The following DDX19B variants were observed in gnomAD, a reference collection of about 807,000 sequenced individuals.
The protein encoded by DDX19B is ATP-dependent RNA helicase DDX19B.
DDX19B carries 27 observed loss-of-function variants against 58.1 expected under a neutral mutation model. The ratio of observed to expected loss-of-function variants is 0.46; its 90% confidence interval spans 0.34 to 0.64. The LOEUF (loss-of-function observed/expected upper bound fraction) is 0.64. Ranked by LOEUF, DDX19B falls within the 30% of genes least tolerant of loss-of-function variation. The probability of loss-of-function intolerance (pLI) is 0.01; values close to 1 mark genes in which losing one functional copy is unlikely to be tolerated. For missense variants in DDX19B, 399 were observed against 596.5 expected (o/e 0.67, Z 3.45); for synonymous variants, 187 against 214.4 (o/e 0.87, Z 1.12).
intron 3 of DDX19B, among the ~76,000 whole-genome samples, chr16:70,315,437 G>A (rs1312062072): frequency 1.3e-5 from 2 of 151,288 alleles, no homozygotes; most frequent in Non-Finnish European, 2.9e-5. Flanking sequence ...AGGTGAAGGA[G>A]TTCTAATGGT....
chr16:70,313,049 C>T (rs1246155992), intron 2 of DDX19B, among the ~76,000 whole-genome samples: 5 of 148,800 alleles, frequency 3.4e-5, no homozygotes, highest in East Asian at 2.0e-4. Flanking sequence ...GACAGAGTCT[C>T]GCTCTGTTGC....
upstream of DDX19B, among the ~76,000 whole-genome samples, chr16:70,298,212 C>G (rs1597460275): frequency 6.6e-6 from 1 of 152,234 alleles, no homozygotes; most frequent in East Asian, 2.0e-4. Context: ...TTGAGACCAT[C>G]CTGGCCAACA....
intron 1 of DDX19B, among the ~76,000 whole-genome samples, chr16:70,306,726 C>T (rs1961772406): frequency 6.6e-6 from 1 of 152,066 alleles, no homozygotes; most frequent in African/African-American, 2.4e-5. Context: ...ATCTTGAGAC[C>T]CTATTATTAT....
chr16:70,302,486 A>G (rs1441871473), intron 1 of DDX19B, among the ~76,000 whole-genome samples: 3 of 152,166 alleles, frequency 2.0e-5, no homozygotes, highest in Non-Finnish European at 4.4e-5. Context: ...ATGGAATCAT[A>G]TATATAATAT....
intron 7 of DDX19B, among the ~76,000 whole-genome samples, chr16:70,328,406 G>A (rs1283010046): frequency 4.4e-5 from 6 of 136,844 alleles, no homozygotes; most frequent in African/African-American, 8.2e-5. Flanking sequence ...GTCTGTCTCC[G>A]GGCTGGAGTG....
At chr16:70,297,305 C>T (rs1049290511), upstream of DDX19B, among the ~76,000 whole-genome samples, 9 of 152,128 alleles carry the variant, frequency 5.9e-5, no homozygotes, top group East Asian at 1.9e-4. Context: ...CTTTGCCTTC[C>T]GGGTTCTAGT....
chr16:70,291,727 C>A (rs1013662292), upstream of DDX19B, among the ~76,000 whole-genome samples: 5 of 151,996 alleles, frequency 3.3e-5, no homozygotes, highest in South Asian at 4.1e-4. Context: ...AGGAGAATGG[C>A]GTGAACCCGG....
intron 3 of DDX19B, among the ~76,000 whole-genome samples, chr16:70,315,238 T>C (rs1222309478): frequency 6.8e-5 from 10 of 146,328 alleles, no homozygotes; most frequent in Non-Finnish European, 3.0e-5. Flanking sequence ...AAAAAAAAAA[T>C]TAGCCGGGCA....
At chr16:70,298,498 T>C (rs182670746), upstream of DDX19B, among the ~76,000 whole-genome samples, 8 of 151,372 alleles carry the variant, frequency 5.3e-5, no homozygotes, top group East Asian at 1.2e-3. Flanking sequence ...ATTTTATTTA[T>C]TTTTTTCCTA....
upstream of DDX19B, among the ~76,000 whole-genome samples, chr16:70,297,010 G>A (rs1961247812): frequency 6.6e-6 from 1 of 152,096 alleles, no homozygotes; most frequent in Non-Finnish European, 1.5e-5. Context: ...CCACCTCCCG[G>A]GTTCAAGCGA....
chr16:70,316,097 C>G lies in DDX19B; in HGVS notation c.289C>G (p.Leu97Val), dbSNP rs774184558. 3 of 1,614,058 alleles carry G rather than the reference C, an allele frequency of 1.9e-6. No homozygotes were observed. In the East Asian group the frequency reaches 6.7e-5, roughly 36 times the overall value. Residue 97 changes from leucine to valine, a missense_variant, in exon 4 of 12, where the codon CTT becomes GTT. Leu to Val is a conservative substitution (Grantham distance 32). This residue lies in a region of DDX19B where 132 missense variants were observed against 159.4 expected (regional missense o/e 0.83). Coordinates refer to ENST00000288071, the MANE Select transcript of DDX19B (RefSeq NM_007242.7). ...GTACTCGGTGAAGTCTTTTGAAGAGCTTCGGCTGTGAGTATTTATTCACCT... is the reference window on the plus strand; with the variant it reads ...GTACTCGGTGAAGTCTTTTGAAGAGGTTCGGCTGTGAGTATTTATTCACCT... The part of the protein sequence containing the change: ...PLYSVKSFEE[L>V]RLKPQLLQGV...
intron 2 of DDX19B, among the ~76,000 whole-genome samples, chr16:70,313,156 C>T (rs1430274745): frequency 6.7e-6 from 1 of 149,868 alleles, no homozygotes; most frequent in Non-Finnish European, 1.5e-5. Flanking sequence ...GTAGCTGGGA[C>T]TACAGGCACC....
At chr16:70,328,535 G>C (rs916973311) in intron 7 of DDX19B, among the ~76,000 whole-genome samples, 1 of 151,400 alleles carries the variant, frequency 6.6e-6, no homozygotes, top group Admixed American at 6.6e-5. Flanking sequence ...GCTAATTTTT[G>C]TATTTTTAGT....
At chr16:70,309,587 A>C (rs905837513) in intron 1 of DDX19B, among the ~76,000 whole-genome samples, 3 of 151,646 alleles carry the variant, frequency 2.0e-5, no homozygotes, top group Non-Finnish European at 4.4e-5. Context: ...TGGGAGGCCG[A>C]GGCGGGTGGA....
chr16:70,301,431 T>C (rs1287049884), intron 1 of DDX19B, among the ~76,000 whole-genome samples: 1 of 152,184 alleles, frequency 6.6e-6, no homozygotes, highest in Non-Finnish European at 1.5e-5. Context: ...TGATTCTTGA[T>C]GTGACTTGTT....
At chr16:70,324,826 C>T (rs1485563678) in intron 6 of DDX19B, 139 bp downstream of exon 6, 10 of 691,336 alleles carry the variant, frequency 1.4e-5, no homozygotes, top group East Asian at 1.0e-4. Flanking sequence ...CCGAGGTGGG[C>T]GGATCACCTG....
chr16:70,302,830 A>G (rs1490729042), intron 1 of DDX19B, among the ~76,000 whole-genome samples: 1 of 152,210 alleles, frequency 6.6e-6, no homozygotes, highest in Non-Finnish European at 1.5e-5. Flanking sequence ...ACTATTTTCC[A>G]AAGTGTATCA....
At chr16:70,290,553 G>C (rs1961034857), upstream of DDX19B, among the ~76,000 whole-genome samples, 1 of 152,004 alleles carries the variant, frequency 6.6e-6, no homozygotes, top group African/African-American at 2.4e-5. Context: ...ATAAAAATTA[G>C]CCAGGCATAG....
chr16:70,320,398 G>T (rs1185910161), intron 5 of DDX19B, among the ~76,000 whole-genome samples: 10 of 149,160 alleles, frequency 6.7e-5, no homozygotes, highest in African/African-American at 2.2e-4. Context: ...TTGAGACAGG[G>T]TCTCACTCTG....
Sources: gnomAD v4.1 joint callset for allele counts (sites outside exome capture counted in the v4.1 genomes callset) on GRCh38, gnomAD v4.1.1 for gene constraint, gnomAD v4.1.1 regional missense constraint, MANE v1.5 for transcripts, NCBI Gene and HGNC (gene_info 2026-07-23, HGNC 2026-07-21) for gene names.